HSP90AB1: variants seen among roughly 807,000 people sequenced by gnomAD.
HSP90AB1 encodes the protein heat shock protein 90 alpha family class B member 1.
In HSP90AB1, 17 loss-of-function variants were observed where a neutral mutation model predicts 67.8. The observed-to-expected ratio is 0.25, with a 90% CI of 0.17 to 0.38. HSP90AB1 has a LOEUF of 0.38. HSP90AB1 is among the 10% of genes least tolerant of loss of function. HSP90AB1 has a pLI of 1.00. For synonymous variants in HSP90AB1, 390 were observed against 312.9 expected (o/e 1.25, Z -2.60); for missense variants, 690 against 899.9 (o/e 0.77, Z 2.98).
At chr6:44,247,983 C>T (rs372077654) in intron 1 of HSP90AB1, 4 of 152,248 alleles carry the variant, frequency 2.6e-5, no homozygotes, top group East Asian at 3.9e-4. Flanking sequence ...CACCATCTTT[C>T]TTGGGTTTGG....
Position 44,253,662 on chromosome 6 carries a change from G to A in HSP90AB1, c.*64G>A, listed in dbSNP as rs1205271978. 4.1e-6 allele frequency: 5 copies of A among 1,206,890 alleles called. No individual in the cohort carries two copies. Among genetic ancestry groups the A allele is most frequent in the South Asian group, 1.2e-5 (1 of 82,986 alleles). 74.8% of individuals were successfully genotyped at this position (1,206,890 alleles called of 1,614,324 possible). A position where few individuals can be genotyped will look rare whatever the true frequency, so the allele number is the denominator to read the frequency against. On this transcript the variant is annotated 3_prime_UTR_variant, in exon 12 of 12. Transcript: ENST00000371646. ...AGTGTCCCCATGGGCTCCCACTGCAGCCTCGAGTGCCCCTGTCCCACCTGG... is the reference window on the plus strand; with the variant it reads ...AGTGTCCCCATGGGCTCCCACTGCAACCTCGAGTGCCCCTGTCCCACCTGG...
chr6:44,250,325 A>T lies in HSP90AB1; in HGVS notation c.683A>T (p.Asp228Val), dbSNP rs1323921473. The change falls in exon 6 of 12, where the codon GAT becomes GTT. Residue 228 changes from aspartate to valine, a missense_variant. Transcript: ENST00000371646. ...EKEREKEISDDEAEEEKGEKE... is the reference protein window; with the variant it reads ...EKEREKEISDVEAEEEKGEKE... ...GAACGAGAGAAGGAAATTAGTGATG[A>T]TGAGGCAGAGGAAGAGAAAGGTGAG... 8 of 1,614,018 alleles carry T rather than the reference A, an allele frequency of 5.0e-6. No homozygotes were observed. Among genetic ancestry groups the T allele is most frequent in the Non-Finnish European group, 6.8e-6 (8 of 1,179,956 alleles).
At chr6:44,248,538 C>G (rs1780253179) in intron 1 of HSP90AB1, 92 bp from the exon 2 acceptor site, 4 of 1,196,132 alleles carry the variant, frequency 3.3e-6, no homozygotes, top group Non-Finnish European at 4.7e-6. Context: ...TCTGAACTCA[C>G]TGTCTAAGGT....
In HSP90AB1 at chr6:44,251,733, C is replaced by G; in HGVS notation, c.1315-4C>G. On this transcript the variant is annotated splice_polypyrimidine_tract_variant and splice_region_variant and intron_variant, in intron 8 of 11. Coordinates refer to ENST00000371646, the MANE Select transcript of HSP90AB1 (RefSeq NM_007355.4). ...GATTGTTTTTCCTCTTCCCACCCTT[C>G]AAGCTTGGAATCCACGAAGACTCCA... 2 of 1,612,574 alleles carry G rather than the reference C, an allele frequency of 1.2e-6. No homozygotes were observed. Among genetic ancestry groups the G allele is most frequent in the Non-Finnish European group, 8.5e-7 (1 of 1,179,236 alleles).
chr6:44,248,518 G>A (rs1021367930), intron 1 of HSP90AB1, 112 bp from the exon 2 acceptor site: 24 of 960,420 alleles, frequency 2.5e-5, no homozygotes, highest in Admixed American at 1.3e-4. Context: ...TAGTACTCCG[G>A]TTAAACCAGT....
rs750908111 is a variant in HSP90AB1, at chr6:44,253,337, C to T, written c.2024C>T (p.Thr675Ile). Residue 675 changes from threonine (T) to isoleucine (I), a missense_variant, in exon 11 of 12, where the codon ACC becomes ATC. Thr to Ile is a moderately conservative substitution (Grantham distance 89). Around this residue, in one of 7 missense-constraint regions of HSP90AB1, gnomAD observed 120 missense variants for 153.5 expected, o/e 0.78. Transcript: ENST00000371646. ...GGCTTTTCCCTTGAGGATCCCCAGA[C>T]CCACTCCAACCGCATCTATCGCATG... ...SSGFSLEDPQ[T>I]HSNRIYRMIK... 14 of 1,614,216 alleles carry T rather than the reference C, an allele frequency of 8.7e-6. No individual in the cohort carries two copies. The highest frequency in any genetic ancestry group is 1.2e-5 in the Non-Finnish European group (14 of 1,180,028).
intron 10 of HSP90AB1, among the ~76,000 whole-genome samples, chr6:44,252,617 T>G (rs1424036953): frequency 6.6e-6 from 1 of 152,184 alleles, no homozygotes; most frequent in Admixed American, 6.5e-5. Context: ...TGCCTTAGCC[T>G]CCTGAGTAGC....
intron 2 of HSP90AB1, 42 bp from the exon 3 acceptor site, chr6:44,249,333 CTG>C: frequency 6.7e-7 from 1 of 1,500,354 alleles, no homozygotes; most frequent in South Asian, 1.1e-5. Context: ...GAGCAAGAGT[CTG>C]TCTTGGAAAG....
intron 6 of HSP90AB1, 31 bp from the exon 7 acceptor site, chr6:44,251,017 A>G: frequency 6.2e-7 from 1 of 1,606,272 alleles, no homozygotes; most frequent in Non-Finnish European, 8.5e-7. Flanking sequence ...TCCTCTTTTG[A>G]AATGTACCAC....
Position 44,249,386 on chromosome 6 carries a change from A to G in HSP90AB1, c.157A>G (p.Lys53Glu). ...LISNASDALDKIRYESLTDPS... is the reference protein window; with the variant it reads ...LISNASDALDEIRYESLTDPS... ...CTGTTTGTATTTCCAGGCCTTGGAC[A>G]AGATTCGCTATGAGAGCCTGACAGA... Residue 53 changes from lysine to glutamate, a missense_variant, in exon 3 of 12, where the codon AAG becomes GAG. Around this residue, in one of 7 missense-constraint regions of HSP90AB1, gnomAD observed 88 missense variants for 167.7 expected, o/e 0.52. Transcript: ENST00000371646. 1 of 1,613,768 alleles carries G rather than the reference A, an allele frequency of 6.2e-7. No individual in the cohort carries two copies. Among genetic ancestry groups the G allele is most frequent in the Middle Eastern group, 1.7e-4 (1 of 6,056 alleles).
rs764778079 is a variant in HSP90AB1, at chr6:44,251,586, A to T, written c.1292A>T (p.Glu431Val). 22 of 1,604,664 alleles carry T rather than the reference A, an allele frequency of 1.4e-5. No individual in the cohort carries two copies. The highest frequency in any genetic ancestry group is 1.9e-5 in the Non-Finnish European group (22 of 1,174,100). ...EDKENYKKFY[E>V]AFSKNLKLGI... ...AAGGAGAATTACAAGAAATTCTATGAGGCATTCTCTAAAAATCTCAAGGTA... is the reference window on the plus strand; with the variant it reads ...AAGGAGAATTACAAGAAATTCTATGTGGCATTCTCTAAAAATCTCAAGGTA... Residue 431 changes from glutamate to valine, a missense_variant, in exon 8 of 12, where the codon GAG (glutamate) becomes GTG (valine). This residue lies in a region of HSP90AB1 where 206 missense variants were observed against 221.4 expected (regional missense o/e 0.93). Transcript: ENST00000371646.
chr6:44,246,900 T>C (rs1779958387), upstream of HSP90AB1, among the ~76,000 whole-genome samples: 1 of 152,220 alleles, frequency 6.6e-6, no homozygotes, highest in African/African-American at 2.4e-5. Context: ...TATGGGGCTG[T>C]GATCACAAGC....
chr6:44,247,715 A>C (rs973107625), intron 1 of HSP90AB1, among the ~76,000 whole-genome samples: 1 of 152,044 alleles, frequency 6.6e-6, no homozygotes, highest in African/African-American at 2.4e-5. Context: ...CCAGCACCCG[A>C]TACTCCCTCC....
chr6:44,251,916 G>A, intron 9 of HSP90AB1, 32 bp downstream of exon 9: 5 of 1,613,372 alleles, frequency 3.1e-6, no homozygotes, highest in South Asian at 1.1e-5. Context: ...CCTTTTTGGA[G>A]GAGTGGGGAG....
In HSP90AB1 at chr6:44,252,066, G is replaced by A. The variant is rs324134; in HGVS notation, c.1530G>A (p.Val510=). ...VERVRKRGFE[V]VYMTEPIDEY... ...GAGTGCGGAAACGGGGCTTCGAGGT[G>A]GTATATATGACCGAGCCCATTGACG... Residue 510 remains valine (V), a synonymous_variant, in exon 10 of 12, where the codon GTG becomes GTA. Transcript: ENST00000371646. 2.5e-3 allele frequency: 4,112 copies of A among 1,614,108 alleles called. 86 individuals carry two copies. In the African/African-American group the frequency reaches 0.047, roughly 18 times the overall value.
At chr6:44,246,280 C>A (rs1240656381), upstream of HSP90AB1, 1 of 152,266 alleles carries the variant, frequency 6.6e-6, no homozygotes, top group Admixed American at 6.5e-5. Flanking sequence ...AGGGGTCAGC[C>A]GATCCCTCCC....
At chr6:44,251,021 G>C in intron 6 of HSP90AB1, 27 bp from the exon 7 acceptor site, 2 of 1,608,226 alleles carry the variant, frequency 1.2e-6, no homozygotes, top group Non-Finnish European at 1.7e-6. Flanking sequence ...CTTTTGAAAT[G>C]TACCACTTAT....
intron 10 of HSP90AB1, 86 bp from the exon 11 acceptor site, chr6:44,252,959 T>G: frequency 9.0e-7 from 1 of 1,115,464 alleles, no homozygotes; most frequent in Non-Finnish European, 1.3e-6. Context: ...GTCCACCTCC[T>G]CCCCCTGCTG....
chr6:44,251,694 T>C (rs776541323), intron 8 of HSP90AB1, 43 bp from the exon 9 acceptor site: 14 of 1,600,836 alleles, frequency 8.7e-6, no homozygotes, highest in Admixed American at 6.9e-5. Context: ...AGTGAAGTTA[T>C]TGTAGTTAAG....
Sources: gnomAD v4.1 joint callset for allele counts (sites outside exome capture counted in the v4.1 genomes callset) on GRCh38, gnomAD v4.1.1 for gene constraint, gnomAD v4.1.1 regional missense constraint, MANE v1.5 for transcripts, NCBI Gene and HGNC (gene_info 2026-07-23, HGNC 2026-07-21) for gene names.